Variants in PRKACB observed in about 807,000 individuals in gnomAD.
The protein encoded by PRKACB is protein kinase cAMP-activated catalytic subunit beta, also known as cAMP-dependent protein kinase catalytic subunit beta.
A neutral mutation model predicts 51.4 loss-of-function variants in PRKACB; 16 were observed. That is an observed-to-expected ratio of 0.31 (90% CI 0.21 to 0.47). The LOEUF (loss-of-function observed/expected upper bound fraction) is 0.47, where lower values mean the gene tolerates loss of function less well. Among genes scored for constraint, PRKACB ranks in the 20% least tolerant of loss-of-function variants. PRKACB has a pLI of 1.00. For synonymous variants in PRKACB, 147 were observed against 154.4 expected, an observed-to-expected ratio of 0.95 and a Z score of 0.35; for missense variants, 309 against 464.5, an observed-to-expected ratio of 0.67 and a Z score of 3.08.
chr1:84,203,294 A>G (rs1670657774), intron 8 of PRKACB, among the ~76,000 whole-genome samples: 1 of 152,054 alleles, frequency 6.6e-6, no homozygotes, highest in Non-Finnish European at 1.5e-5. Flanking sequence ...AATTGTTCAT[A>G]TAGATTGTGA....
rs147466801 is a variant in PRKACB, at chr1:84,108,854, C to T, written c.46+30483C>T. Among the ~76,000 whole-genome samples, 358 of 152,030 alleles carry T rather than the reference C, an allele frequency of 2.4e-3. 1 individual carries two copies. The highest frequency in any genetic ancestry group is 0.01 in the Middle Eastern group (3 of 294). On this transcript the variant is annotated intron_variant, in intron 1 of 8. Coordinates refer to the PRKACB transcript ENST00000370688. ...GGATAATCTTCTGTAAGGAATTTGT[C>T]GTACAGTCAGTATGTTAAATGTATT...
chr1:84,180,208 A>ATATATATATATATATATG (rs933229907), intron 2 of PRKACB, among the ~76,000 whole-genome samples: 1 of 129,940 alleles, frequency 7.7e-6, no homozygotes, highest in African/African-American at 2.7e-5. Context: ...ATATATATAT[A>ATATATATATATATATATG]TGTATGATGG....
At chr1:84,080,239 T>C (rs1351293057) in intron 1 of PRKACB, among the ~76,000 whole-genome samples, 1 of 152,222 alleles carries the variant, frequency 6.6e-6, no homozygotes, top group African/African-American at 2.4e-5. Context: ...ATATTTTTTA[T>C]TAAGTTACCA....
At position 84,179,178 on chromosome 1, in the gene PRKACB, G is replaced by T. The variant is rs1352395721; in HGVS notation, c.189G>T (p.Met63Ile). 2.5e-6 allele frequency: 4 copies of T among 1,587,152 alleles called. No homozygotes were observed. The highest frequency in any genetic ancestry group is 1.3e-5 in the African/African-American group (1 of 74,236). The change falls in exon 2 of 10, where the codon ATG becomes ATT. Residue 63 changes from methionine (M) to isoleucine (I), a missense_variant and splice_region_variant. By Grantham distance (10) the Met-to-Ile change is conservative (BLOSUM62 1). Coordinates refer to ENST00000370685, the MANE Select transcript of PRKACB (RefSeq NM_182948.4). ...SEHTALWDRS[M>I]KEFLAKAKED... is the part of the protein sequence containing the mutation. ...TTGTTTTTATATGTATATTTTCAGT[G>T]AAAGAGTTTCTAGCCAAAGCCAAAG...
At chr1:84,145,323 T>G (rs1160969843) in intron 1 of PRKACB, among the ~76,000 whole-genome samples, 1 of 152,060 alleles carries the variant, frequency 6.6e-6, no homozygotes, top group Non-Finnish European at 1.5e-5. Flanking sequence ...CTCAAGGTAT[T>G]TCTGTGACTC....
At chr1:84,156,830 G>T (rs903263) in intron 1 of PRKACB, among the ~76,000 whole-genome samples, 74,279 of 151,850 alleles carry the variant, frequency 0.49, 18,727 homozygotes, top group Non-Finnish European at 0.56. Flanking sequence ...TATTCTCTCA[G>T]GAGAAAAAAT....
rs1346219837 is a variant in PRKACB, at chr1:84,208,546, A to G, written c.907-5607A>G. Among the ~76,000 whole-genome samples the G allele has an allele frequency of 3.3e-5, 5 of 152,180 alleles. No homozygotes were observed. In the East Asian group the frequency reaches 9.6e-4, roughly 29 times the overall value. On this transcript the variant is annotated intron_variant, in intron 8 of 9. Transcript: ENST00000370685. Reference sequence around the variant, plus strand: ...AACAGGTGGAGCCTGAGACAAGATGAAAGGAGGAACTTCCTATACTTTCCC... The same window carrying G: ...AACAGGTGGAGCCTGAGACAAGATGGAAGGAGGAACTTCCTATACTTTCCC...
At chr1:84,186,771 G>A (rs1166223420) in intron 5 of PRKACB, among the ~76,000 whole-genome samples, 1 of 152,032 alleles carries the variant, frequency 6.6e-6, no homozygotes, top group Non-Finnish European at 1.5e-5. Flanking sequence ...TCTGTTGGGG[G>A]GTGTCTATGT....
At chr1:84,107,948 C>T (rs530959090) in intron 1 of PRKACB, among the ~76,000 whole-genome samples, 1 of 152,110 alleles carries the variant, frequency 6.6e-6, no homozygotes, top group East Asian at 1.9e-4. Context: ...AAAAACAGAC[C>T]TACCATTGGA....
intron 9 of PRKACB, among the ~76,000 whole-genome samples, chr1:84,215,140 T>G (rs1672706766): frequency 6.6e-6 from 1 of 152,234 alleles, no homozygotes; most frequent in Non-Finnish European, 1.5e-5. Context: ...TGAACATAAT[T>G]CATACAAATT....
At chr1:84,232,927 T>G (rs1363598336) in intron 9 of PRKACB, among the ~76,000 whole-genome samples, 1 of 152,128 alleles carries the variant, frequency 6.6e-6, no homozygotes, top group Non-Finnish European at 1.5e-5. Flanking sequence ...AAAGTTAATA[T>G]TGTTATGTGT....
chr1:84,210,711 G>A (rs115083326), intron 8 of PRKACB, among the ~76,000 whole-genome samples: 1,831 of 152,104 alleles, frequency 0.012, 45 homozygotes, highest in African/African-American at 0.04. Context: ...TTAGATAGTC[G>A]CTCTTCCCAT....
In PRKACB at chr1:84,200,317, C is replaced by A. The variant is rs1035426164; in HGVS notation, c.784-2366C>A. ...AAAGTGTCAGTTCATGTCCTTTGCC[C>A]ACCTTTTCATGGGGTTGTTTGTTTC... On this transcript the variant is annotated intron_variant, in intron 7 of 9. Coordinates refer to ENST00000370685, the MANE Select transcript of PRKACB (RefSeq NM_182948.4). Among the ~76,000 whole-genome samples, 3 of 152,234 alleles carry A rather than the reference C, an allele frequency of 2.0e-5. No individual in the cohort carries two copies. The East Asian group carries it at 5.8e-4, about 29-fold the overall frequency.
intron 1 of PRKACB, among the ~76,000 whole-genome samples, chr1:84,095,981 G>T (rs906639667): frequency 1.3e-5 from 2 of 151,774 alleles, no homozygotes; most frequent in Non-Finnish European, 2.9e-5. Context: ...TGGTTATTTG[G>T]TCTTATCTTT....
chr1:84,113,373 A>G (rs1650386183), intron 1 of PRKACB, among the ~76,000 whole-genome samples: 1 of 152,190 alleles, frequency 6.6e-6, no homozygotes, highest in South Asian at 2.1e-4. Context: ...AAAAAAAGAC[A>G]TACTGGTGAG....
intron 2 of PRKACB, 52 bp from the exon 3 acceptor site, chr1:84,182,148 C>T (rs1157758736): frequency 1.6e-6 from 2 of 1,260,620 alleles, no homozygotes; most frequent in African/African-American, 3.1e-5. Flanking sequence ...ATTTATAATT[C>T]CCATAGTGTT....
At chr1:84,190,100 A>G (rs1666308162) in intron 5 of PRKACB, among the ~76,000 whole-genome samples, 1 of 151,800 alleles carries the variant, frequency 6.6e-6, no homozygotes, top group Non-Finnish European at 1.5e-5. Flanking sequence ...TTACCACCTA[A>G]TATACTTTTC....
At chr1:84,124,487 G>C (rs1014349927) in intron 1 of PRKACB, among the ~76,000 whole-genome samples, 23 of 152,174 alleles carry the variant, frequency 1.5e-4, no homozygotes, top group African/African-American at 5.1e-4. Flanking sequence ...GGTGAAAATT[G>C]GGTTTCTATC....
chr1:84,129,113 T>C (rs1651918464), intron 1 of PRKACB, among the ~76,000 whole-genome samples: 1 of 152,194 alleles, frequency 6.6e-6, no homozygotes, highest in African/African-American at 2.4e-5. Context: ...TGAATATTCT[T>C]ACATTAGAAT....
Sources: allele counts gnomAD v4.1 joint callset (sites outside exome capture counted in the v4.1 genomes callset), GRCh38; gene constraint gnomAD v4.1.1; transcripts MANE v1.5; gene names NCBI Gene and HGNC (gene_info 2026-07-23, HGNC 2026-07-21).